The following DNAI1 variants were observed in gnomAD, a reference collection of about 807,000 sequenced individuals.
DNAI1 encodes dynein, axonemal, intermediate polypeptide 1.
A neutral mutation model predicts 92.0 loss-of-function variants in DNAI1; 67 were observed. That is an observed-to-expected ratio of 0.73 (90% CI 0.60 to 0.89). The LOEUF is 0.89. Among genes scored for constraint, DNAI1 ranks in the 40% least tolerant of loss-of-function variants. The probability of loss-of-function intolerance (pLI) is 0.00; values close to 1 mark genes in which losing one functional copy is unlikely to be tolerated. For synonymous variants in DNAI1, 323 were observed against 319.6 expected, an observed-to-expected ratio of 1.01 and a Z score of -0.11; for missense variants, 839 against 866.6, an observed-to-expected ratio of 0.97 and a Z score of 0.40.
intron 12 of DNAI1, among the ~76,000 whole-genome samples, chr9:34,504,502 G>C (rs1824887918): frequency 6.6e-6 from 1 of 152,220 alleles, no homozygotes; most frequent in Non-Finnish European, 1.5e-5. Context: ...AAAGGCCACT[G>C]TGCTTGCTGG....
At chr9:34,520,566 C>G in intron 19 of DNAI1, 92 bp from the exon 20 acceptor site, 1 of 1,196,794 alleles carries the variant, frequency 8.4e-7, no homozygotes, top group Non-Finnish European at 1.2e-6. Flanking sequence ...GGGTAGGGCA[C>G]AGCTGGACAG....
chr9:34,467,219 A>G (rs1262121099), intron 1 of DNAI1, among the ~76,000 whole-genome samples: 4 of 152,130 alleles, frequency 2.6e-5, no homozygotes, highest in Non-Finnish European at 5.9e-5. Context: ...CAGGGCTGAT[A>G]TTTACATTAC....
intron 13 of DNAI1, 59 bp from the exon 14 acceptor site, chr9:34,512,050 C>G: frequency 6.4e-7 from 1 of 1,554,276 alleles, no homozygotes; most frequent in Non-Finnish European, 8.9e-7. Context: ...CTGCTCTGCC[C>G]ACAGCCCTAA....
At chr9:34,488,969 G>T (rs1824527426) in intron 4 of DNAI1, among the ~76,000 whole-genome samples, 1 of 152,168 alleles carries the variant, frequency 6.6e-6, no homozygotes, top group Non-Finnish European at 1.5e-5. Flanking sequence ...GACTCTATCT[G>T]CCCAGGGTAT....
At position 34,514,550 on chromosome 9, in the gene DNAI1, G is replaced by A. The variant is rs1255174490; in HGVS notation, c.1718+8G>A. The A allele has an allele frequency of 6.2e-7, 1 of 1,614,086 alleles. No homozygotes were observed. Among genetic ancestry groups the A allele is most frequent in the African/African-American group, 1.3e-5 (1 of 74,932 alleles). On this transcript the variant is annotated splice_region_variant and intron_variant, in intron 17 of 19. Coordinates refer to ENST00000242317, the MANE Select transcript of DNAI1 (RefSeq NM_012144.4). Reference sequence around the variant, plus strand: ...CTGGGACCACACCATCAAGTGAGGGGCCTGTTCCTGGCTCTGCCTGGGGCC... The same window carrying A: ...CTGGGACCACACCATCAAGTGAGGGACCTGTTCCTGGCTCTGCCTGGGGCC...
chr9:34,475,948 C>T (rs979277213), intron 1 of DNAI1, among the ~76,000 whole-genome samples: 2 of 152,064 alleles, frequency 1.3e-5, no homozygotes, highest in Non-Finnish European at 2.9e-5. Flanking sequence ...GGGTCATGAA[C>T]CAAAACAGGT....
intron 13 of DNAI1, among the ~76,000 whole-genome samples, chr9:34,508,012 T>G (rs1824976664): frequency 6.6e-6 from 1 of 152,234 alleles, no homozygotes; most frequent in African/African-American, 2.4e-5. Flanking sequence ...GGCCCTTCCT[T>G]ATTGTGTCCC....
chr9:34,459,057 A>G lies in DNAI1; in HGVS notation c.48+4A>G. ...CCATAAACAGCCTCATAAGCAGGTA[A>G]CGTACGCACACCTTCCTTCTGATGA... On this transcript the variant is annotated splice_donor_region_variant and intron_variant, in intron 1 of 19. Transcript: ENST00000242317. 2.5e-6 allele frequency: 4 copies of G among 1,613,822 alleles called. No homozygotes were observed. The highest frequency in any genetic ancestry group is 3.4e-6 in the Non-Finnish European group (4 of 1,179,760).
At chr9:34,505,428 A>G (rs1391439429) in intron 12 of DNAI1, among the ~76,000 whole-genome samples, 1 of 152,230 alleles carries the variant, frequency 6.6e-6, no homozygotes, top group Admixed American at 6.5e-5. Context: ...CAGATAATCC[A>G]GGATAATCTC....
intron 9 of DNAI1, among the ~76,000 whole-genome samples, chr9:34,494,220 G>A (rs1824671289): frequency 6.6e-6 from 1 of 152,150 alleles, no homozygotes; most frequent in Admixed American, 6.5e-5. Context: ...ACCAGATAAA[G>A]GAAGTGCTGC....
chr9:34,516,240 G>A (rs571900253), intron 18 of DNAI1, among the ~76,000 whole-genome samples: 30 of 152,278 alleles, frequency 2.0e-4, no homozygotes, highest in Admixed American at 3.3e-4. Context: ...AGCAAGGGGC[G>A]AGAACATGAG....
rs75157407 is a variant in DNAI1, at chr9:34,506,506, C to T, written c.1064-121C>T. The T allele has an allele frequency of 2.2e-3, 2,933 of 1,342,522 alleles. 41 individuals carry two copies. In the African/African-American group the frequency reaches 0.036, roughly 16 times the overall value. 83.2% of individuals were successfully genotyped at this position (1,342,522 alleles called of 1,614,324 possible). Reference sequence around the variant, plus strand: ...AAAGATGAATCCCAGAGAGGAATCCCACACTCTGACAGATGCAGAGCAGGG... The same window carrying T: ...AAAGATGAATCCCAGAGAGGAATCCTACACTCTGACAGATGCAGAGCAGGG... On this transcript the variant is annotated intron_variant, in intron 12 of 19. Transcript: ENST00000242317.
intron 1 of DNAI1, among the ~76,000 whole-genome samples, chr9:34,477,599 A>G (rs1192664668): frequency 6.6e-6 from 1 of 152,184 alleles, no homozygotes; most frequent in Middle Eastern, 3.2e-3. Flanking sequence ...TGAAATAAGG[A>G]GAGGATTATT....
rs1209080263 is a variant in DNAI1 at position 34,491,536 on chromosome 9, T to A, written c.663T>A (p.Phe221Leu). Residue 221 changes from phenylalanine (F) to leucine (L), a missense_variant, in exon 8 of 20, where the codon TTT (phenylalanine) becomes TTA (leucine). Coordinates refer to ENST00000242317, the MANE Select transcript of DNAI1 (RefSeq NM_012144.4). ...CQTEPPPRTN[F>L]SATANQWEIY... ...CGGAGCCTCCTCCCAGGACAAACTTTTCAGCCACAGCCAATCAGGTAAGAC... is the reference window on the plus strand; with the variant it reads ...CGGAGCCTCCTCCCAGGACAAACTTATCAGCCACAGCCAATCAGGTAAGAC... 6.2e-7 allele frequency: 1 copy of A among 1,614,196 alleles called. No homozygotes were observed. Among genetic ancestry groups the A allele is most frequent in the South Asian group, 1.1e-5 (1 of 91,086 alleles).
At chr9:34,467,868 C>T (rs1824066655) in intron 1 of DNAI1, among the ~76,000 whole-genome samples, 2 of 152,294 alleles carry the variant, frequency 1.3e-5, no homozygotes, top group South Asian at 4.1e-4. Context: ...CACACATTTA[C>T]CCTTGCTCTC....
chr9:34,480,883 T>G (rs1229051301), intron 1 of DNAI1, among the ~76,000 whole-genome samples: 1 of 152,012 alleles, frequency 6.6e-6, no homozygotes, highest in African/African-American at 2.4e-5. Context: ...GAGGTGGAGG[T>G]TGCAGTGAGC....
chr9:34,510,319 G>A (rs1015712954), intron 13 of DNAI1, among the ~76,000 whole-genome samples: 25 of 152,202 alleles, frequency 1.6e-4, no homozygotes, highest in Non-Finnish European at 3.7e-4. Context: ...AGGCCCTACT[G>A]TGAAGCTTCA....
At chr9:34,479,905 T>G (rs1424747557) in intron 1 of DNAI1, among the ~76,000 whole-genome samples, 1 of 152,030 alleles carries the variant, frequency 6.6e-6, no homozygotes, top group African/African-American at 2.4e-5. Flanking sequence ...CCTCCAACCC[T>G]CTCCCAAAGA....
intron 1 of DNAI1, among the ~76,000 whole-genome samples, chr9:34,481,020 CAACT>C (rs1210375620): frequency 1.3e-5 from 2 of 152,048 alleles, no homozygotes; most frequent in Admixed American, 6.6e-5. Context: ...GCAGGCGGAT[CAACT>C]GAGGTCAGGA....
Sources: allele counts gnomAD v4.1 joint callset (sites outside exome capture counted in the v4.1 genomes callset), GRCh38; gene constraint gnomAD v4.1.1; transcripts MANE v1.5; gene names NCBI Gene and HGNC (gene_info 2026-07-23, HGNC 2026-07-21).